PDZD2: variants seen among roughly 807,000 people sequenced by gnomAD.
The protein encoded by PDZD2 is PDZ domain containing 2.
In PDZD2, 90 loss-of-function variants were observed where a neutral mutation model predicts 220.7. The observed-to-expected ratio is 0.41, with a 90% confidence interval of 0.34 to 0.49. The LOEUF is 0.49. Ranked by LOEUF, PDZD2 falls within the 20% of genes least tolerant of loss-of-function variation. The probability of loss-of-function intolerance (pLI) is 0.28; values close to 1 mark genes in which losing one functional copy is unlikely to be tolerated. For missense variants in PDZD2, 3,174 were observed against 3,608.5 expected, an observed-to-expected ratio of 0.88 and a Z score of 3.08; for synonymous variants, 1,375 against 1,450.5, an observed-to-expected ratio of 0.95 and a Z score of 1.18.
In PDZD2 at chr5:32,089,302, A is replaced by C. The variant is rs774019488; in HGVS notation, c.5854A>C (p.Arg1952=). 1 of 1,614,062 alleles carries C rather than the reference A, an allele frequency of 6.2e-7. No individual in the cohort carries two copies. The highest frequency in any genetic ancestry group is 8.5e-7 in the Non-Finnish European group (1 of 1,179,982). ...DPDRNTTAAP[R]SPQCVLESKP... is the part of the protein sequence containing the mutation. Reference sequence around the variant, plus strand: ...TGACAGAAACACCACAGCTGCCCCCAGGTCCCCCCAGTGTGTGCTGGAAAG... The same window carrying C: ...TGACAGAAACACCACAGCTGCCCCCCGGTCCCCCCAGTGTGTGCTGGAAAG... The change falls in exon 20 of 25, where the codon AGG becomes CGG. Residue 1952 remains arginine, a synonymous_variant. Coordinates refer to ENST00000438447, the MANE Select transcript of PDZD2 (RefSeq NM_178140.4).
intron 1 of PDZD2, among the ~76,000 whole-genome samples, chr5:31,691,339 C>T (rs554235248): frequency 3.9e-5 from 6 of 152,114 alleles, no homozygotes; most frequent in African/African-American, 1.4e-4. Flanking sequence ...CTCATAAAGG[C>T]AGTGTGGACC....
chr5:31,686,374 T>C (rs1377827676), intron 1 of PDZD2, among the ~76,000 whole-genome samples: 2 of 151,384 alleles, frequency 1.3e-5, no homozygotes, highest in African/African-American at 2.4e-5. Flanking sequence ...TTCTTTTTTT[T>C]TTCTTTCTGA....
intron 2 of PDZD2, among the ~76,000 whole-genome samples, chr5:31,840,288 T>C (rs1453964870): frequency 4.6e-5 from 7 of 150,826 alleles, no homozygotes; most frequent in Non-Finnish European, 1.5e-5. Flanking sequence ...ATTCTGAAGG[T>C]TTCTTTGACT....
rs200426487 is a variant in PDZD2 at position 32,011,020 on chromosome 5, AAACAAC to A, written c.1407+554_1407+559del. Among the ~76,000 whole-genome samples, 120 of 142,932 alleles carry A rather than the reference AAACAAC, an allele frequency of 8.4e-4. No individual in the cohort carries two copies. The Middle Eastern group carries it at 0.011, about 13-fold the overall frequency. 93.8% of individuals were successfully genotyped at this position (142,932 alleles called of 152,430 possible). A position where few individuals can be genotyped will look rare whatever the true frequency, so the allele number is the denominator to read the frequency against. ...TCCAAAAACCTCTCAAAAAAAAAAA[AAACAAC>A]AACAACAACAACAACTGGATATTGA... On this transcript the variant is annotated intron_variant, in intron 6 of 24. Coordinates refer to ENST00000438447, the MANE Select transcript of PDZD2 (RefSeq NM_178140.4).
Position 32,101,124 on chromosome 5 carries a change from C to T in PDZD2, c.8238C>T (p.His2746=), listed in dbSNP as rs558177031. ...CTGCAGGGAGAAGTGTGGCTGTACA[C>T]GATGCTCTGTGTGTTGAAGTGCTGA... ...EPGIGRSVAV[H]DALCVEVLKT... The change falls in exon 24 of 25, where the codon CAC becomes CAT. Residue 2746 remains histidine (H), a synonymous_variant. Coordinates refer to ENST00000438447, the MANE Select transcript of PDZD2 (RefSeq NM_178140.4). 9.3e-6 allele frequency: 15 copies of T among 1,614,026 alleles called. No homozygotes were observed. The highest frequency in any genetic ancestry group is 5.0e-5 in the Admixed American group (3 of 60,014).
chr5:32,063,591 C>T (rs1378316383), intron 14 of PDZD2, among the ~76,000 whole-genome samples: 2 of 152,132 alleles, frequency 1.3e-5, no homozygotes, highest in African/African-American at 2.4e-5. Context: ...CCAGCCAGGG[C>T]GATTCAGATC....
chr5:31,854,291 C>T (rs547522254), intron 2 of PDZD2, among the ~76,000 whole-genome samples: 175 of 152,344 alleles, frequency 1.1e-3, no homozygotes, highest in Admixed American at 2.4e-3. Context: ...GGGCCCAGGC[C>T]CACTCAGGCC....
At chr5:32,068,708 C>G (rs1740446020) in intron 14 of PDZD2, among the ~76,000 whole-genome samples, 1 of 152,118 alleles carries the variant, frequency 6.6e-6, no homozygotes, top group African/African-American at 2.4e-5. Flanking sequence ...CTGAATTTGA[C>G]AATAGTATCA....
intron 2 of PDZD2, among the ~76,000 whole-genome samples, chr5:31,918,860 C>A (rs973581942): frequency 3.3e-5 from 5 of 152,078 alleles, no homozygotes. Flanking sequence ...CAGGGGAATC[C>A]TGGGTGGCAT....
At chr5:31,962,255 T>C (rs1477400010) in intron 2 of PDZD2, among the ~76,000 whole-genome samples, 1 of 152,216 alleles carries the variant, frequency 6.6e-6, no homozygotes, top group African/African-American at 2.4e-5. Context: ...TTCCTTTAAG[T>C]CATTTCTGAC....
intron 2 of PDZD2, among the ~76,000 whole-genome samples, chr5:31,951,501 G>A (rs548726692): frequency 1.3e-5 from 2 of 152,288 alleles, no homozygotes; most frequent in South Asian, 2.1e-4. Context: ...AATTTGGGGA[G>A]ACACAAACAT....
chr5:32,022,205 T>C (rs371751694), intron 6 of PDZD2, among the ~76,000 whole-genome samples: 1 of 150,680 alleles, frequency 6.6e-6, no homozygotes, highest in African/African-American at 2.4e-5. Context: ...TTTTTGTTTT[T>C]TTTTGGAGTT....
rs74798898 is a variant in PDZD2, at chr5:32,041,049, C to T, written c.1519+3707C>T. Among the ~76,000 whole-genome samples the T allele has an allele frequency of 1.0e-3, 153 of 148,626 alleles. 5 individuals are homozygous for T. The South Asian group carries it at 0.031, about 30-fold the overall frequency. ...GTGAGGGGCGCCTCTGCCCAGCAGC[C>T]GCCCCGTCTGGGAAGTGGGGAGCGC... On this transcript the variant is annotated intron_variant, in intron 7 of 24. Coordinates refer to ENST00000438447, the MANE Select transcript of PDZD2 (RefSeq NM_178140.4).
chr5:31,824,463 G>C (rs945936177), intron 2 of PDZD2, among the ~76,000 whole-genome samples: 1 of 152,236 alleles, frequency 6.6e-6, no homozygotes, highest in Admixed American at 6.5e-5. Flanking sequence ...CTGAGAACCA[G>C]ACCAAATTTG....
intron 2 of PDZD2, among the ~76,000 whole-genome samples, chr5:31,837,016 A>AAGAAAGAAAGAAAGAAAG (rs1554081401): frequency 6.8e-6 from 1 of 146,572 alleles, no homozygotes; most frequent in Admixed American, 6.8e-5. Context: ...AGACTGTCTT[A>AAGAAAGAAAGAAAGAAAG]AAAGAAAGAA....
At chr5:31,870,020 CAG>C (rs1738636869) in intron 2 of PDZD2, among the ~76,000 whole-genome samples, 1 of 152,184 alleles carries the variant, frequency 6.6e-6, no homozygotes, top group African/African-American at 2.4e-5. Context: ...AAAGGGAAGA[CAG>C]AAAGCCACTG....
chr5:31,651,019 A>T (rs1337948867), intron 1 of PDZD2, among the ~76,000 whole-genome samples: 2 of 152,114 alleles, frequency 1.3e-5, no homozygotes, highest in Non-Finnish European at 2.9e-5. Context: ...TGTAGGGCTC[A>T]AAGTTTGCAG....
intron 1 of PDZD2, among the ~76,000 whole-genome samples, chr5:31,662,928 C>T (rs1580533120): frequency 1.3e-5 from 2 of 152,224 alleles, no homozygotes; most frequent in Non-Finnish European, 2.9e-5. Context: ...CCTCACCTGG[C>T]CAAGGCCCCA....
intron 2 of PDZD2, among the ~76,000 whole-genome samples, chr5:31,893,236 C>T (rs948232364): frequency 1.3e-5 from 2 of 152,088 alleles, no homozygotes; most frequent in African/African-American, 2.4e-5. Flanking sequence ...CCTGTCCCCA[C>T]GTTACTGCTT....
Sources: gnomAD v4.1 joint callset for allele counts (sites outside exome capture counted in the v4.1 genomes callset) on GRCh38, gnomAD v4.1.1 for gene constraint, MANE v1.5 for transcripts, NCBI Gene and HGNC (gene_info 2026-07-23, HGNC 2026-07-21) for gene names.